The following TOX variants were observed in gnomAD, a reference collection of about 807,000 sequenced individuals.
The protein encoded by TOX is thymocyte selection-associated high mobility group box protein TOX.
A neutral mutation model predicts 53.7 loss-of-function variants in TOX; 11 were observed. That is an observed-to-expected ratio of 0.20 (90% CI 0.13 to 0.34). The LOEUF is 0.34. Among genes scored for constraint, TOX ranks in the 10% least tolerant of loss-of-function variants. The pLI is 1.00. For synonymous variants in TOX, 225 were observed against 245.3 expected, an observed-to-expected ratio of 0.92 and a Z score of 0.77; for missense variants, 570 against 664.6, an observed-to-expected ratio of 0.86 and a Z score of 1.56.
intron 1 of TOX, among the ~76,000 whole-genome samples, chr8:59,047,771 C>T (rs775643770): frequency 1.4e-4 from 22 of 152,146 alleles, no homozygotes; most frequent in Non-Finnish European, 3.1e-4. Context: ...GGCTTAAAAA[C>T]ACCATATAAG....
intron 1 of TOX, among the ~76,000 whole-genome samples, chr8:59,043,011 T>C (rs939984716): frequency 2.6e-5 from 4 of 152,166 alleles, no homozygotes; most frequent in Admixed American, 6.5e-5. Flanking sequence ...ATAGTCACCA[T>C]GTTGTAGAAT....
At chr8:58,987,857 G>A (rs1813361856) in intron 1 of TOX, among the ~76,000 whole-genome samples, 1 of 152,176 alleles carries the variant, frequency 6.6e-6, no homozygotes, top group African/African-American at 2.4e-5. Context: ...CACACTCTGG[G>A]TGGTTCCCCA....
At chr8:58,847,463 G>A (rs114401466) in intron 4 of TOX, among the ~76,000 whole-genome samples, 2,248 of 152,028 alleles carry the variant, frequency 0.015, 63 homozygotes, top group African/African-American at 0.051. Flanking sequence ...AGAGAATTAC[G>A]AGCTGGAAAA....
At chr8:59,039,595 A>G (rs1007377420) in intron 1 of TOX, among the ~76,000 whole-genome samples, 39 of 152,052 alleles carry the variant, frequency 2.6e-4, no homozygotes, top group African/African-American at 8.5e-4. Flanking sequence ...ATTCCCTCTC[A>G]TTATCCTTCC....
At chr8:59,011,677 TA>T (rs1326560535) in intron 1 of TOX, among the ~76,000 whole-genome samples, 1 of 152,186 alleles carries the variant, frequency 6.6e-6, no homozygotes, top group Non-Finnish European at 1.5e-5. Flanking sequence ...CTCTTCCTGT[TA>T]GTTTCCTAGT....
At chr8:59,048,737 A>G (rs1803733385) in intron 1 of TOX, among the ~76,000 whole-genome samples, 1 of 152,110 alleles carries the variant, frequency 6.6e-6, no homozygotes, top group South Asian at 2.1e-4. Flanking sequence ...GTTACATGAG[A>G]TATTTTGATA....
chr8:58,822,963 AG>A (rs1157933183), intron 6 of TOX, among the ~76,000 whole-genome samples: 3 of 152,206 alleles, frequency 2.0e-5, no homozygotes, highest in Non-Finnish European at 2.9e-5. Flanking sequence ...GATGGGAAAT[AG>A]GAACACGTGT....
In TOX at chr8:58,807,896, G is replaced by A. The variant is rs527920585; in HGVS notation, c.1545-113C>T. The A allele has an allele frequency of 6.4e-6, 9 of 1,414,112 alleles. No individual in the cohort carries two copies. In the South Asian group the frequency reaches 1.1e-4, roughly 17 times the overall value. The allele number at this position is 1,414,112 out of a possible 1,614,324, so 87.6% of individuals were successfully genotyped here. On this transcript the variant is annotated intron_variant, in intron 8 of 8. Coordinates refer to ENST00000361421, the MANE Select transcript of TOX (RefSeq NM_014729.3). ...TGCTCCAGCTTGAGCTGTTCACTGGGAAACTGCAATTAGTTAACCTACATC... is the reference window on the plus strand; with the variant it reads ...TGCTCCAGCTTGAGCTGTTCACTGGAAAACTGCAATTAGTTAACCTACATC...
At chr8:59,107,208 G>A (rs1422655916) in intron 1 of TOX, among the ~76,000 whole-genome samples, 1 of 152,014 alleles carries the variant, frequency 6.6e-6, no homozygotes, top group Non-Finnish European at 1.5e-5. Flanking sequence ...AGAATATGTA[G>A]CATGTTAGAA....
intron 3 of TOX, among the ~76,000 whole-genome samples, chr8:58,876,988 G>A (rs1018339662): frequency 1.3e-5 from 2 of 152,170 alleles, no homozygotes; most frequent in African/African-American, 4.8e-5. Flanking sequence ...TAATAATTTA[G>A]CTTTGAAGTG....
chr8:58,973,814 T>C (rs1350902451), intron 1 of TOX, among the ~76,000 whole-genome samples: 2 of 152,090 alleles, frequency 1.3e-5, no homozygotes, highest in African/African-American at 4.8e-5. Context: ...CTTTTTTTTT[T>C]TGAAATGGAG....
chr8:59,060,767 AT>A (rs1028554244), intron 1 of TOX, among the ~76,000 whole-genome samples: 6 of 152,216 alleles, frequency 3.9e-5, no homozygotes. Context: ...TCTTAGTAAC[AT>A]CAAAAATTAA....
At chr8:58,984,821 C>T (rs1488268433) in intron 1 of TOX, among the ~76,000 whole-genome samples, 2 of 147,298 alleles carry the variant, frequency 1.4e-5, no homozygotes, top group Non-Finnish European at 3.0e-5. Flanking sequence ...CTAAAAAAAT[C>T]CCAGAAAATA....
At chr8:58,939,859 T>A (rs1248632300) in intron 2 of TOX, among the ~76,000 whole-genome samples, 1 of 152,200 alleles carries the variant, frequency 6.6e-6, no homozygotes, top group African/African-American at 2.4e-5. Context: ...ACCTCTTTCA[T>A]GGGAATTGTA....
intron 1 of TOX, among the ~76,000 whole-genome samples, chr8:59,042,623 AT>A (rs1803612237): frequency 6.6e-6 from 1 of 152,184 alleles, no homozygotes; most frequent in South Asian, 2.1e-4. Context: ...ATAGCTTGTA[AT>A]TTAGTTCCAT....
chr8:58,960,714 G>T (rs552724904), intron 1 of TOX, among the ~76,000 whole-genome samples: 1 of 152,078 alleles, frequency 6.6e-6, no homozygotes, highest in Non-Finnish European at 1.5e-5. Context: ...AAAGAAATTC[G>T]CAGGGGCAGC....
chr8:58,943,774 T>G (rs540388828), intron 2 of TOX, among the ~76,000 whole-genome samples: 2 of 152,148 alleles, frequency 1.3e-5, no homozygotes, highest in Non-Finnish European at 2.9e-5. Context: ...TATAGTGACA[T>G]GTACCCATCC....
chr8:58,843,466 G>C (rs1197512433), intron 4 of TOX, among the ~76,000 whole-genome samples: 1 of 152,152 alleles, frequency 6.6e-6, no homozygotes, highest in Non-Finnish European at 1.5e-5. Flanking sequence ...AACTATGAAT[G>C]AAAGATCTCC....
intron 1 of TOX, among the ~76,000 whole-genome samples, chr8:59,091,690 G>A (rs1804609655): frequency 1.3e-5 from 2 of 152,052 alleles, no homozygotes; most frequent in African/African-American, 4.8e-5. Flanking sequence ...TGGTATGGTG[G>A]TATCAATAAG....
Sources: gnomAD v4.1 joint callset for allele counts (sites outside exome capture counted in the v4.1 genomes callset) on GRCh38, gnomAD v4.1.1 for gene constraint, MANE v1.5 for transcripts, NCBI Gene and HGNC (gene_info 2026-07-23, HGNC 2026-07-21) for gene names.